CNTNAP2: variants seen among roughly 807,000 people sequenced by gnomAD.
The protein encoded by CNTNAP2 is contactin-associated protein-like 2.
CNTNAP2 carries 98 observed loss-of-function variants against 155.2 expected under a neutral mutation model. The observed-to-expected ratio is 0.63, with a 90% CI of 0.54 to 0.75. The LOEUF (loss-of-function observed/expected upper bound fraction) is 0.75. Among genes scored for constraint, CNTNAP2 ranks in the 30% least tolerant of loss-of-function variants. The pLI is 0.00. For missense variants in CNTNAP2, 1,727 were observed against 1,688.1 expected (o/e 1.02, Z -0.40); for synonymous variants, 651 against 631.2 (o/e 1.03, Z -0.47).
At chr7:148,040,021 G>T (rs978118967) in intron 15 of CNTNAP2, among the ~76,000 whole-genome samples, 1 of 152,138 alleles carries the variant, frequency 6.6e-6, no homozygotes, top group African/African-American at 2.4e-5. Context: ...TCTCTAAATT[G>T]ACCACAGAGC....
At chr7:147,230,737 C>T (rs1435777637) in intron 8 of CNTNAP2, among the ~76,000 whole-genome samples, 1 of 152,174 alleles carries the variant, frequency 6.6e-6, no homozygotes, top group Non-Finnish European at 1.5e-5. Flanking sequence ...ACCAACATCT[C>T]CTCATTTACT....
At chr7:147,805,249 C>T (rs1798071700) in intron 13 of CNTNAP2, among the ~76,000 whole-genome samples, 1 of 151,724 alleles carries the variant, frequency 6.6e-6, no homozygotes, top group African/African-American at 2.4e-5. Context: ...AGGTCATCTG[C>T]CCTCCCAAAG....
intron 14 of CNTNAP2, among the ~76,000 whole-genome samples, chr7:147,924,142 TC>T (rs1800338468): frequency 9.5e-6 from 1 of 104,994 alleles, no homozygotes; most frequent in South Asian, 2.9e-4. Flanking sequence ...TCTTTTCTTT[TC>T]TTTTTTTTTT....
At chr7:146,797,093 G>A (rs946668863) in intron 2 of CNTNAP2, among the ~76,000 whole-genome samples, 4 of 152,194 alleles carry the variant, frequency 2.6e-5, no homozygotes, top group South Asian at 2.1e-4. Context: ...CCAAGATCGC[G>A]CTACTGCACT....
chr7:147,411,031 G>T (rs1035766113), intron 10 of CNTNAP2, among the ~76,000 whole-genome samples: 2 of 152,144 alleles, frequency 1.3e-5, no homozygotes. Flanking sequence ...CTTTATAACT[G>T]TTTTATCTCA....
rs1016208404 is a variant in CNTNAP2, at chr7:147,508,729, G to A, written c.1777+22688G>A. On this transcript the variant is annotated intron_variant, in intron 11 of 23. Coordinates refer to ENST00000361727, the MANE Select transcript of CNTNAP2 (RefSeq NM_014141.6). ...GTGCTGTTCTCAGCATAGGGAATAC[G>A]TCTCATGAGATCTGATGATTTTTTA... Among the ~76,000 whole-genome samples, 11 of 152,206 alleles carry A rather than the reference G, an allele frequency of 7.2e-5. No individual in the cohort carries two copies. The South Asian group carries it at 1.7e-3, about 23-fold the overall frequency.
intron 1 of CNTNAP2, among the ~76,000 whole-genome samples, chr7:146,181,690 G>T (rs1366475488): frequency 6.6e-6 from 1 of 152,064 alleles, no homozygotes; most frequent in African/African-American, 2.4e-5. Flanking sequence ...TGCTTACTTG[G>T]CAACACAAGC....
At chr7:146,400,190 C>CATAGCA (rs1352776846) in intron 1 of CNTNAP2, among the ~76,000 whole-genome samples, 2 of 151,818 alleles carry the variant, frequency 1.3e-5, no homozygotes, top group East Asian at 3.9e-4. Flanking sequence ...ATGAGTGACT[C>CATAGCA]TTAACTATTC....
rs569579619 is a variant in CNTNAP2 at position 146,562,084 on chromosome 7, C to T, written c.98-212187C>T. Among the ~76,000 whole-genome samples, 542 of 152,230 alleles carry T rather than the reference C, an allele frequency of 3.6e-3. 3 individuals carry two copies. The highest frequency in any genetic ancestry group is 5.8e-3 in the Non-Finnish European group (393 of 68,012). ...GGATTACAGCATGAGCCGCTGCACCCGGCCCAAAAACATTTTTGAATCTCC... is the reference window on the plus strand; with the variant it reads ...GGATTACAGCATGAGCCGCTGCACCTGGCCCAAAAACATTTTTGAATCTCC... On this transcript the variant is annotated intron_variant, in intron 1 of 23. Coordinates refer to ENST00000361727, the MANE Select transcript of CNTNAP2 (RefSeq NM_014141.6).
intron 1 of CNTNAP2, among the ~76,000 whole-genome samples, chr7:146,119,480 T>A (rs1797532586): frequency 6.6e-6 from 1 of 152,188 alleles, no homozygotes; most frequent in Non-Finnish European, 1.5e-5. Flanking sequence ...CTAATTTCTT[T>A]GCAGATAGCG....
At chr7:148,405,841 C>G (rs568072909) in intron 22 of CNTNAP2, among the ~76,000 whole-genome samples, 35 of 151,674 alleles carry the variant, frequency 2.3e-4, no homozygotes, top group African/African-American at 8.2e-4. Context: ...GTCTCGATCT[C>G]TTGACCTCAT....
At chr7:147,363,346 T>A (rs1303858545) in intron 9 of CNTNAP2, among the ~76,000 whole-genome samples, 2 of 152,210 alleles carry the variant, frequency 1.3e-5, no homozygotes, top group Admixed American at 1.3e-4. Flanking sequence ...GAAAAAGGAA[T>A]GTTATTGTTT....
intron 2 of CNTNAP2, among the ~76,000 whole-genome samples, chr7:146,781,556 C>G (rs753884109): frequency 6.6e-6 from 1 of 152,100 alleles, no homozygotes; most frequent in Non-Finnish European, 1.5e-5. Flanking sequence ...CAACCTCTTC[C>G]CTAGCTCACA....
chr7:146,879,383 A>G (rs946979521), intron 3 of CNTNAP2, among the ~76,000 whole-genome samples: 2 of 152,128 alleles, frequency 1.3e-5, no homozygotes, highest in Non-Finnish European at 2.9e-5. Flanking sequence ...TTTTAAAATT[A>G]TTTTAATGTT....
chr7:146,294,109 G>T (rs898276976), intron 1 of CNTNAP2, among the ~76,000 whole-genome samples: 2 of 152,150 alleles, frequency 1.3e-5, no homozygotes, highest in East Asian at 3.8e-4. Context: ...TCTGGCTAGT[G>T]ATTAGAGCTG....
At chr7:147,789,334 T>C (rs1002119397) in intron 13 of CNTNAP2, among the ~76,000 whole-genome samples, 1 of 152,318 alleles carries the variant, frequency 6.6e-6, no homozygotes. Flanking sequence ...TGCAGTCACT[T>C]CTTGGCTGGT....
At chr7:146,728,537 A>C (rs918615543) in intron 1 of CNTNAP2, among the ~76,000 whole-genome samples, 5 of 150,996 alleles carry the variant, frequency 3.3e-5, no homozygotes, top group African/African-American at 4.8e-5. Context: ...TCATTTCACA[A>C]TGTATACCTG....
At chr7:147,474,427 T>A (rs989400497) in intron 10 of CNTNAP2, among the ~76,000 whole-genome samples, 6 of 152,072 alleles carry the variant, frequency 3.9e-5, no homozygotes, top group Admixed American at 3.9e-4. Context: ...AAACCCCGTC[T>A]CTACTTAAAA....
At chr7:146,289,729 A>T (rs576044125) in intron 1 of CNTNAP2, among the ~76,000 whole-genome samples, 1 of 152,200 alleles carries the variant, frequency 6.6e-6, no homozygotes, top group African/African-American at 2.4e-5. Context: ...TCACACACAC[A>T]ATCTCTTTTA....
Sources: gnomAD v4.1 joint callset for allele counts (sites outside exome capture counted in the v4.1 genomes callset) on GRCh38, gnomAD v4.1.1 for gene constraint, MANE v1.5 for transcripts, NCBI Gene and HGNC (gene_info 2026-07-23, HGNC 2026-07-21) for gene names.